The following LINS1 variants were observed in gnomAD, a reference collection of about 807,000 sequenced individuals.
The protein encoded by LINS1 is protein Lines homolog 1.
In LINS1, 27 loss-of-function variants were observed where a neutral mutation model predicts 41.6. That is an observed-to-expected ratio of 0.65 (90% CI 0.48 to 0.89). LINS1 has a LOEUF of 0.89. Ranked by LOEUF, LINS1 falls within the 40% of genes least tolerant of loss-of-function variation. The pLI is 0.00. For missense variants in LINS1, 955 were observed against 884.1 expected (o/e 1.08, Z -1.02); for synonymous variants, 336 against 312.9 (o/e 1.07, Z -0.78).
chr15:100,596,655 A>G (rs1371971815), intron 1 of LINS1, among the ~76,000 whole-genome samples: 2 of 152,210 alleles, frequency 1.3e-5, no homozygotes, highest in African/African-American at 4.8e-5. Flanking sequence ...CTTTTCTAAC[A>G]AAAAGCGGCC....
At position 100,575,093 on chromosome 15, in the gene LINS1, C is replaced by A. The variant is rs140657207; in HGVS notation, c.525G>T (p.Gln175His). Reference protein sequence around the residue: ...TLSNSWIAFCQKNLSEYSESN... With the variant: ...TLSNSWIAFCHKNLSEYSESN... ...TCTCAGAGTATTCAGAAAGATTTTT[C>A]TGGCAAAAAGCAATCCAGGAATTAC... The change falls in exon 4 of 7, where the codon CAG becomes CAT. Residue 175 changes from glutamine (Q) to histidine (H), a missense_variant. Physicochemically the swap from Gln to His is conservative, Grantham distance 24 (BLOSUM62 0). Transcript: ENST00000314742. 2.9e-5 allele frequency: 47 copies of A among 1,612,502 alleles called. No homozygotes were observed. In the African/African-American group the frequency reaches 5.3e-4, roughly 18 times the overall value.
chr15:100,585,133 G>A (rs1011466184), intron 1 of LINS1, among the ~76,000 whole-genome samples: 1 of 152,190 alleles, frequency 6.6e-6, no homozygotes, highest in African/African-American at 2.4e-5. Flanking sequence ...GTAAGCCATC[G>A]CCTCTGGAAG....
chr15:100,599,501 G>T (rs1018246178), intron 1 of LINS1, among the ~76,000 whole-genome samples: 1 of 152,144 alleles, frequency 6.6e-6, no homozygotes. Context: ...AAAGAACTAG[G>T]AATTAGGAGA....
chr15:100,593,745 G>C (rs772501415), intron 1 of LINS1, among the ~76,000 whole-genome samples: 5 of 152,154 alleles, frequency 3.3e-5, no homozygotes, highest in Non-Finnish European at 7.4e-5. Flanking sequence ...AAAAGCCCAG[G>C]ACAAGAGTTC....
At chr15:100,576,965 A>G (rs1288333127) in intron 3 of LINS1, among the ~76,000 whole-genome samples, 1 of 152,208 alleles carries the variant, frequency 6.6e-6, no homozygotes, top group Non-Finnish European at 1.5e-5. Flanking sequence ...GCCTTTGACA[A>G]AATTCAACAA....
At chr15:100,585,402 G>A (rs1596939985) in intron 1 of LINS1, among the ~76,000 whole-genome samples, 4 of 152,200 alleles carry the variant, frequency 2.6e-5, no homozygotes, top group Admixed American at 2.6e-4. Flanking sequence ...GGTGTTGCAT[G>A]CATCCAGGCT....
At position 100,573,860 on chromosome 15, in the gene LINS1, G is replaced by A. The variant is rs763210104; in HGVS notation, c.1013C>T (p.Ala338Val). 122 of 1,614,182 alleles carry A rather than the reference G, an allele frequency of 7.6e-5. No individual in the cohort carries two copies. In the Admixed American group the frequency reaches 1.3e-3, roughly 17 times the overall value. Residue 338 changes from alanine to valine, a missense_variant, in exon 5 of 7, where the codon GCT becomes GTT. Ala to Val is a moderately conservative substitution (Grantham distance 64, BLOSUM62 0). Transcript: ENST00000314742. ...ATTCACAGCTTGCAAAACAGCATTA[G>A]CTAAAGCCAGCATGTCCACCGCTAC... ...HHVAVDMLAL[A>V]NAVLQAVNSG...
At position 100,573,620 on chromosome 15, in the gene LINS1, CACTGCATACAAAAGGAGTTTGGAGAATT is replaced by C; in HGVS notation, c.1222+3_1222+30del. 1 of 1,271,542 alleles carries C rather than the reference CACTGCATACAAAAGGAGTTTGGAGAATT, an allele frequency of 7.9e-7. No individual in the cohort carries two copies. Among genetic ancestry groups the C allele is most frequent in the Non-Finnish European group, 1.1e-6 (1 of 874,582 alleles). 78.8% of individuals were successfully genotyped at this position (1,271,542 alleles called of 1,614,324 possible). On this transcript the variant is annotated splice_donor_5th_base_variant and intron_variant, in intron 5 of 6. Transcript: ENST00000314742. ...TACTGTACTTAAGTAAATAATTACA[CACTGCATACAAAAGGAGTTTGGAGAATT>C]ACCTTTCACTTCACTTGCTGAAGAA... is the stretch of plus-strand genomic sequence containing the variant.
At chr15:100,572,337 A>G (rs2037877682) in intron 5 of LINS1, 1 of 1,224,348 alleles carries the variant, frequency 8.2e-7, no homozygotes, top group African/African-American at 1.5e-5. Context: ...ACTGTCTCTT[A>G]GAAATAAAAG....
At chr15:100,599,416 G>A (rs2039378093) in intron 1 of LINS1, among the ~76,000 whole-genome samples, 1 of 152,166 alleles carries the variant, frequency 6.6e-6, no homozygotes, top group Non-Finnish European at 1.5e-5. Context: ...ATATAATCAT[G>A]TACTTCAATC....
intron 1 of LINS1, among the ~76,000 whole-genome samples, chr15:100,583,740 G>C (rs1313759439): frequency 6.6e-6 from 1 of 152,176 alleles, no homozygotes; most frequent in Non-Finnish European, 1.5e-5. Context: ...TCCTCTTCAA[G>C]AGGTTTCCCA....
In LINS1 at chr15:100,569,599, T is replaced by C; in HGVS notation, c.1913A>G (p.Glu638Gly). 1 of 1,613,666 alleles carries C rather than the reference T, an allele frequency of 6.2e-7. No homozygotes were observed. The highest frequency in any genetic ancestry group is 1.1e-5 in the South Asian group (1 of 91,072). Residue 638 changes from glutamate (E) to glycine (G), a missense_variant, in exon 7 of 7, where the codon GAA becomes GGA. Physicochemically the swap from Glu to Gly is moderately conservative, Grantham distance 98. Coordinates refer to ENST00000314742, the MANE Select transcript of LINS1 (RefSeq NM_001040616.3). ...GTTAGCTAAACACTGCTCTGTGGAT[T>C]CCACGTCAGAATCGTCAGAGCTGTC... ...DYDSSDDSDV[E>G]STEQCLANSK...
At position 100,580,320 on chromosome 15, in the gene LINS1, T is replaced by G; in HGVS notation, c.432A>C (p.Leu144Phe). 1 of 1,613,176 alleles carries G rather than the reference T, an allele frequency of 6.2e-7. No homozygotes were observed. The highest frequency in any genetic ancestry group is 8.5e-7 in the Non-Finnish European group (1 of 1,179,368). The change falls in exon 3 of 7, where the codon TTA becomes TTC. Residue 144 changes from leucine (L) to phenylalanine (F), a missense_variant. Transcript: ENST00000314742. ...ICMFQNSDKL[L>F]SHMAAQCLAL... is the part of the protein sequence containing the mutation. Reference sequence around the variant, plus strand: ...CAAGGCACTGTGCAGCCATGTGAGATAACAATTTATCTGAATTTTGGAACA... The same window carrying G: ...CAAGGCACTGTGCAGCCATGTGAGAGAACAATTTATCTGAATTTTGGAACA...
At chr15:100,579,688 T>G (rs187231476) in intron 3 of LINS1, among the ~76,000 whole-genome samples, 99 of 126,478 alleles carry the variant, frequency 7.8e-4, no homozygotes, top group Non-Finnish European at 1.5e-3. Context: ...AATTCAGAGA[T>G]AAGAGAAAAA....
intron 5 of LINS1, chr15:100,573,434 T>C (rs935935194): frequency 1.9e-6 from 2 of 1,041,600 alleles, no homozygotes; most frequent in East Asian, 5.6e-5. Context: ...TCATTCCTTA[T>C]GCTTTACAAA....
intron 3 of LINS1, among the ~76,000 whole-genome samples, chr15:100,578,735 T>C (rs1321743097): frequency 8.6e-5 from 13 of 150,638 alleles, no homozygotes; most frequent in African/African-American, 2.7e-4. Flanking sequence ...CATATGTTTA[T>C]TGTGGCACTA....
chr15:100,595,034 A>G (rs759608435), intron 1 of LINS1, among the ~76,000 whole-genome samples: 39 of 152,218 alleles, frequency 2.6e-4, no homozygotes, highest in Non-Finnish European at 4.0e-4. Context: ...TTTCTCTAAA[A>G]TAACTCCAAC....
rs587780380 is a variant in LINS1, at chr15:100,569,276, T to C, written c.2236A>G (p.Ile746Val). ...PTALLKLLKY[I>V]EVISNKTMNT... ...ATAGTTTTATTACTTATCACCTCTA[T>C]GTATTTTAACAACTTCAAAAGTGCA... The change falls in exon 7 of 7, where the codon ATA (isoleucine) becomes GTA (valine). Residue 746 changes from isoleucine (I) to valine (V), a missense_variant. Coordinates refer to ENST00000314742, the MANE Select transcript of LINS1 (RefSeq NM_001040616.3). 1 of 1,606,642 alleles carries C rather than the reference T, an allele frequency of 6.2e-7. No individual in the cohort carries two copies. The highest frequency in any genetic ancestry group is 8.5e-7 in the Non-Finnish European group (1 of 1,173,228).
rs549289447 is a variant in LINS1 at position 100,580,866 on chromosome 15, T to C, written c.-24A>G. On this transcript the variant is annotated 5_prime_UTR_variant, in exon 2 of 7. Transcript: ENST00000314742. The stretch of plus-strand genomic sequence containing the variant: ...ATTTTGACTTCCAAAATGTATCTTA[T>C]AAGAAGGTCGACAACTCCAAGTTGT... 3.1e-6 allele frequency: 5 copies of C among 1,602,002 alleles called. No homozygotes were observed. The East Asian group carries it at 8.9e-5, about 29-fold the overall frequency.
Sources: gnomAD v4.1 joint callset for allele counts (sites outside exome capture counted in the v4.1 genomes callset) on GRCh38, gnomAD v4.1.1 for gene constraint, MANE v1.5 for transcripts, NCBI Gene and HGNC (gene_info 2026-07-23, HGNC 2026-07-21) for gene names.